TMEM230: variants seen among roughly 807,000 people sequenced by gnomAD.
TMEM230 encodes the protein UPF0414 transmembrane protein C20orf30.
TMEM230 carries 10 observed loss-of-function variants against 15.8 expected under a neutral mutation model. That is an observed-to-expected ratio of 0.63 (90% CI 0.39 to 1.07). The LOEUF (loss-of-function observed/expected upper bound fraction) is 1.07, where lower values mean the gene tolerates loss of function less well. TMEM230 is among the 50% of genes least tolerant of loss of function. The pLI is 0.01. For missense variants in TMEM230, 165 were observed against 193.3 expected (o/e 0.85, Z 0.87); for synonymous variants, 67 against 76.9 (o/e 0.87, Z 0.68).
chr20:5,076,983 A>C (rs539236905), intron 3 of TMEM230, among the ~76,000 whole-genome samples: 6 of 148,846 alleles, frequency 4.0e-5, no homozygotes, highest in Non-Finnish European at 8.9e-5. Flanking sequence ...CAGTCAATTG[A>C]TATTCTTTAA....
intron 3 of TMEM230, among the ~76,000 whole-genome samples, chr20:5,072,465 C>T (rs932608944): frequency 5.9e-5 from 9 of 152,144 alleles, no homozygotes; most frequent in East Asian, 1.9e-4. Context: ...GAACTCTCCC[C>T]GGCATCTTTC....
intron 3 of TMEM230, among the ~76,000 whole-genome samples, chr20:5,069,621 T>C (rs1446255962): frequency 6.6e-6 from 1 of 152,138 alleles, no homozygotes; most frequent in African/African-American, 2.4e-5. Flanking sequence ...GCAATGCATT[T>C]CAAGGGGTAG....
intron 3 of TMEM230, among the ~76,000 whole-genome samples, chr20:5,071,382 T>C (rs772252153): frequency 6.6e-6 from 1 of 151,978 alleles, no homozygotes; most frequent in Non-Finnish European, 1.5e-5. Flanking sequence ...CCCAGCACTT[T>C]GGGAGGCCGA....
intron 2 of TMEM230, among the ~76,000 whole-genome samples, chr20:5,110,138 C>T (rs530465990): frequency 6.6e-6 from 1 of 152,134 alleles, no homozygotes; most frequent in African/African-American, 2.4e-5. Context: ...CTCACTACAA[C>T]CACCGCCTCC....
At chr20:5,103,007 T>C (rs571061600) in intron 4 of TMEM230, among the ~76,000 whole-genome samples, 2 of 152,334 alleles carry the variant, frequency 1.3e-5, no homozygotes, top group Admixed American at 1.3e-4. Context: ...TAAAATCGTA[T>C]CAGCAGAATG....
At chr20:5,104,042 A>G (rs1282203745) in intron 4 of TMEM230, among the ~76,000 whole-genome samples, 3 of 152,214 alleles carry the variant, frequency 2.0e-5, no homozygotes, top group African/African-American at 7.2e-5. Context: ...GGAATTAATA[A>G]CCAGAATATA....
chr20:5,080,950 ATGAGT>A (rs777652979), intron 3 of TMEM230, among the ~76,000 whole-genome samples: 12 of 152,254 alleles, frequency 7.9e-5, no homozygotes, highest in Non-Finnish European at 4.4e-5. Flanking sequence ...ACTGTCCATG[ATGAGT>A]TAAGTACAGA....
chr20:5,097,697 G>A (rs909331370), downstream of TMEM230, among the ~76,000 whole-genome samples: 2 of 152,132 alleles, frequency 1.3e-5, no homozygotes, highest in African/African-American at 4.8e-5. Context: ...GTGCAGTGGT[G>A]TGATCTAGGC....
intron 3 of TMEM230, among the ~76,000 whole-genome samples, chr20:5,083,359 C>T (rs2089240712): frequency 7.0e-6 from 1 of 143,212 alleles, no homozygotes; most frequent in South Asian, 2.2e-4. Context: ...AGTTCTCTCT[C>T]TCTATTGAGA....
At chr20:5,095,124 G>C (rs1053685519), downstream of TMEM230, among the ~76,000 whole-genome samples, 3 of 152,148 alleles carry the variant, frequency 2.0e-5, no homozygotes, top group Non-Finnish European at 2.9e-5. Context: ...AAAACCCTCT[G>C]GAAGGATTAG....
At chr20:5,065,477 T>C (rs2088643111), downstream of TMEM230, among the ~76,000 whole-genome samples, 1 of 152,172 alleles carries the variant, frequency 6.6e-6, no homozygotes, top group Non-Finnish European at 1.5e-5. Context: ...ATGGTCCTTG[T>C]TGTTATGGGC....
chr20:5,103,609 T>C (rs1272181757), intron 4 of TMEM230, among the ~76,000 whole-genome samples: 1 of 149,500 alleles, frequency 6.7e-6, no homozygotes, highest in Non-Finnish European at 1.5e-5. Flanking sequence ...CCAGCCTGGA[T>C]GACACAGTGA....
At chr20:5,090,179 T>C (rs1158665281) in intron 3 of TMEM230, among the ~76,000 whole-genome samples, 2 of 151,692 alleles carry the variant, frequency 1.3e-5, no homozygotes, top group Non-Finnish European at 2.9e-5. Flanking sequence ...GAAACCAAGG[T>C]ATGAGTGAAA....
chr20:5,099,164 C>G (rs1223243289), downstream of TMEM230, among the ~76,000 whole-genome samples: 1 of 151,314 alleles, frequency 6.6e-6, no homozygotes, highest in Non-Finnish European at 1.5e-5. Context: ...GCACTCCAGC[C>G]TGGGCAGTAG....
intron 3 of TMEM230, among the ~76,000 whole-genome samples, chr20:5,079,072 C>A (rs1389558317): frequency 6.6e-6 from 1 of 152,256 alleles, no homozygotes; most frequent in Non-Finnish European, 1.5e-5. Context: ...ACTCTTTTTG[C>A]ATAGTGTTTC....
intron 4 of TMEM230, among the ~76,000 whole-genome samples, chr20:5,101,845 T>A (rs1277829049): frequency 6.6e-6 from 1 of 152,128 alleles, no homozygotes; most frequent in Non-Finnish European, 1.5e-5. Context: ...GTTTCTAAGG[T>A]TTCATATTGA....
intron 3 of TMEM230, among the ~76,000 whole-genome samples, chr20:5,076,890 C>T (rs1011382069): frequency 2.6e-5 from 4 of 151,638 alleles, no homozygotes; most frequent in Non-Finnish European, 5.9e-5. Flanking sequence ...GTTGGCCAGG[C>T]TAGACTCGAA....
intron 3 of TMEM230, 65 bp from the exon 3 acceptor site, chr20:5,106,375 A>T (rs2090094235): frequency 6.7e-7 from 1 of 1,503,518 alleles, no homozygotes; most frequent in Middle Eastern, 1.8e-4. Context: ...GGGTTCAAAC[A>T]TTTAATTAAT....
chr20:5,068,559 G>A (rs1050697029), exon 4 of TMEM230: 3 of 152,432 alleles, frequency 2.0e-5, no homozygotes, highest in African/African-American at 4.8e-5. Flanking sequence ...TCTCATGAGA[G>A]TCACTCACTA....
Sources: allele counts gnomAD v4.1 joint callset (sites outside exome capture counted in the v4.1 genomes callset), GRCh38; gene constraint gnomAD v4.1.1; transcripts MANE v1.5; gene names NCBI Gene and HGNC (gene_info 2026-07-23, HGNC 2026-07-21).